Variants in NEGR1 observed in about 807,000 individuals in gnomAD.
NEGR1 encodes IgLON family member 4.
NEGR1 carries 10 observed loss-of-function variants against 40.9 expected under a neutral mutation model. The observed-to-expected ratio is 0.24, with a 90% CI of 0.15 to 0.42. The LOEUF is 0.42. NEGR1 is among the 10% of genes least tolerant of loss of function. The pLI, the probability that NEGR1 is intolerant of heterozygous loss-of-function variation, is 1.00. For synonymous variants in NEGR1, 185 were observed against 166.8 expected (o/e 1.11, Z -0.84); for missense variants, 352 against 438.9 (o/e 0.80, Z 1.77).
chr1:71,676,309 G>A (rs1484869171), intron 4 of NEGR1, among the ~76,000 whole-genome samples: 2 of 151,962 alleles, frequency 1.3e-5, no homozygotes, highest in Non-Finnish European at 2.9e-5. Context: ...TGAAAATATG[G>A]GGAGTCAATG....
intron 6 of NEGR1, among the ~76,000 whole-genome samples, chr1:71,589,027 T>A (rs1052775555): frequency 1.3e-5 from 2 of 152,084 alleles, no homozygotes; most frequent in Non-Finnish European, 2.9e-5. Context: ...ATGTCTCTAT[T>A]TCCTCATCTA....
At chr1:71,785,507 T>C (rs1656879902) in intron 2 of NEGR1, among the ~76,000 whole-genome samples, 1 of 152,164 alleles carries the variant, frequency 6.6e-6, no homozygotes, top group Non-Finnish European at 1.5e-5. Flanking sequence ...TTCTATTCCA[T>C]TGAGCCAATG....
chr1:71,986,194 A>G (rs1477570140), intron 1 of NEGR1, among the ~76,000 whole-genome samples: 1 of 152,212 alleles, frequency 6.6e-6, no homozygotes, highest in East Asian at 1.9e-4. Flanking sequence ...AATATAGCTC[A>G]GCTACAAAAA....
chr1:72,034,138 T>C (rs1353337981), intron 1 of NEGR1, among the ~76,000 whole-genome samples: 1 of 152,330 alleles, frequency 6.6e-6, no homozygotes, highest in African/African-American at 2.4e-5. Flanking sequence ...GTTAAATGTG[T>C]AGAATTTTTT....
intron 6 of NEGR1, among the ~76,000 whole-genome samples, chr1:71,583,954 G>A (rs1474029175): frequency 1.3e-5 from 2 of 152,180 alleles, no homozygotes; most frequent in African/African-American, 2.4e-5. Flanking sequence ...GGAAACTGAA[G>A]TTGCTTCATT....
rs60790381 is a variant in NEGR1, at chr1:71,524,315, AGTGTGTGTGTGTGT to A, written c.940+68488_940+68501del. On this transcript the variant is annotated intron_variant, in intron 6 of 6. Transcript: ENST00000357731. ...TCTTGGAGTCTTCTTTTTAAATAGG[AGTGTGTGTGTGTGT>A]GTGTGTGTGTGTGTGTGTGTGTGTG... is the stretch of plus-strand genomic sequence containing the variant. 2.3e-4 allele frequency among the ~76,000 whole-genome samples: 33 copies of A among 140,670 alleles called. No homozygotes were observed. The South Asian group carries it at 6.6e-3, about 28-fold the overall frequency. The allele number at this position is 140,670 out of a possible 152,430, so 92.3% of individuals were successfully genotyped here.
intron 2 of NEGR1, among the ~76,000 whole-genome samples, chr1:71,873,404 A>G (rs1660336380): frequency 6.6e-6 from 1 of 152,112 alleles, no homozygotes; most frequent in African/African-American, 2.4e-5. Flanking sequence ...GGATAGTGAA[A>G]ATGTTTTGGA....
chr1:72,103,977 A>G (rs1649039776), intron 1 of NEGR1, among the ~76,000 whole-genome samples: 2 of 152,152 alleles, frequency 1.3e-5, no homozygotes, highest in South Asian at 4.1e-4. Flanking sequence ...TAAAATCCAT[A>G]TGTTTTGGTA....
chr1:71,756,284 A>G (rs1380036660), intron 3 of NEGR1, among the ~76,000 whole-genome samples: 1 of 152,052 alleles, frequency 6.6e-6, no homozygotes, highest in African/African-American at 2.4e-5. Flanking sequence ...ATTGCCTTAT[A>G]TCACATTTTA....
chr1:71,793,987 T>TA (rs1476469417), intron 2 of NEGR1, among the ~76,000 whole-genome samples: 1 of 152,114 alleles, frequency 6.6e-6, no homozygotes, highest in Non-Finnish European at 1.5e-5. Flanking sequence ...TGAAACAAGG[T>TA]AAGGAAGCCC....
At chr1:72,142,613 C>A (rs1447575078) in intron 1 of NEGR1, among the ~76,000 whole-genome samples, 1 of 151,692 alleles carries the variant, frequency 6.6e-6, no homozygotes, top group Non-Finnish European at 1.5e-5. Flanking sequence ...TAAACATACC[C>A]TCATATATCT....
At chr1:72,197,261 T>C (rs1009235785) in intron 1 of NEGR1, among the ~76,000 whole-genome samples, 8 of 152,032 alleles carry the variant, frequency 5.3e-5, no homozygotes, top group African/African-American at 9.7e-5. Context: ...TTCTTTAGTA[T>C]TTAAAAATGA....
intron 6 of NEGR1, among the ~76,000 whole-genome samples, chr1:71,482,260 T>G (rs2101373363): frequency 6.6e-6 from 1 of 151,974 alleles, no homozygotes. Flanking sequence ...AAGAACTAGC[T>G]TTGGAAATAG....
intron 2 of NEGR1, among the ~76,000 whole-genome samples, chr1:71,800,322 C>A (rs188886032): frequency 1.4e-4 from 22 of 152,204 alleles, no homozygotes; most frequent in Admixed American, 2.6e-4. Context: ...ATGATAGTTT[C>A]TTTTGCTGTA....
intron 2 of NEGR1, among the ~76,000 whole-genome samples, chr1:71,865,468 A>G (rs1412914410): frequency 6.6e-6 from 1 of 152,168 alleles, no homozygotes; most frequent in African/African-American, 2.4e-5. Context: ...CATCATTCTC[A>G]GCAAACTAAT....
In NEGR1 at chr1:71,522,720, A is replaced by AC. The variant is rs1164102900; in HGVS notation, c.940+70096dup. 5.0e-3 allele frequency among the ~76,000 whole-genome samples: 549 copies of AC among 109,524 alleles called. 3 individuals are homozygous for AC. The highest frequency in any genetic ancestry group is 0.011 in the East Asian group (38 of 3,410). The allele number at this position is 109,524 out of a possible 152,430, so 71.9% of individuals were successfully genotyped here. Reference sequence around the variant, plus strand: ...AAATGCTGCTATTTTCCTCCCCTCTACCCCCCCCTTACACACACACACACA... The same window carrying AC: ...AAATGCTGCTATTTTCCTCCCCTCTACCCCCCCCCTTACACACACACACACA... On this transcript the variant is annotated intron_variant, in intron 6 of 6. Transcript: ENST00000357731.
intron 1 of NEGR1, among the ~76,000 whole-genome samples, chr1:72,275,959 G>A (rs1656036055): frequency 6.6e-6 from 1 of 151,988 alleles, no homozygotes; most frequent in Non-Finnish European, 1.5e-5. Context: ...AGCCAGGTAT[G>A]TTAGCACACA....
chr1:72,235,215 G>C (rs778852185), intron 1 of NEGR1, among the ~76,000 whole-genome samples: 3 of 152,076 alleles, frequency 2.0e-5, no homozygotes, highest in Non-Finnish European at 4.4e-5. Flanking sequence ...GTGAGTTAAC[G>C]TGCAAGCGTC....
At chr1:71,503,648 G>A (rs1647013279) in intron 6 of NEGR1, among the ~76,000 whole-genome samples, 1 of 152,110 alleles carries the variant, frequency 6.6e-6, no homozygotes, top group Non-Finnish European at 1.5e-5. Flanking sequence ...GACAGGGAGA[G>A]ATTGGCTTTG....
Sources: allele counts gnomAD v4.1 joint callset (sites outside exome capture counted in the v4.1 genomes callset), GRCh38; gene constraint gnomAD v4.1.1; transcripts MANE v1.5; gene names NCBI Gene and HGNC (gene_info 2026-07-23, HGNC 2026-07-21).